WNT16: variants seen among roughly 807,000 people sequenced by gnomAD.
WNT16 encodes the protein Wnt family member 16.
A neutral mutation model predicts 35.4 loss-of-function variants in WNT16; 20 were observed. The ratio of observed to expected loss-of-function variants is 0.56; its 90% CI spans 0.40 to 0.82. WNT16 has a LOEUF of 0.82. Among genes scored for constraint, WNT16 ranks in the 40% least tolerant of loss-of-function variants. The probability of loss-of-function intolerance (pLI) is 0.00; values close to 1 mark genes in which losing one functional copy is unlikely to be tolerated. For missense variants in WNT16, 461 were observed against 466.0 expected (o/e 0.99, Z 0.10); for synonymous variants, 180 against 179.2 (o/e 1.00, Z -0.03).
At chr7:121,333,181 A>G (rs1382685065) in intron 3 of WNT16, among the ~76,000 whole-genome samples, 1 of 152,038 alleles carries the variant, frequency 6.6e-6, no homozygotes, top group Non-Finnish European at 1.5e-5. Context: ...AATAAATAAA[A>G]CAAATTGCAA....
chr7:121,335,191 C>A (rs967725389), intron 3 of WNT16, among the ~76,000 whole-genome samples: 1 of 152,002 alleles, frequency 6.6e-6, no homozygotes, highest in African/African-American at 2.4e-5. Context: ...AATTTTCTGG[C>A]CATTTTTGTA....
rs140239870 is a variant in WNT16, at chr7:121,329,964, A to G, written c.346+147A>G. 2.6e-3 allele frequency: 3,336 copies of G among 1,293,650 alleles called. 11 individuals carry two copies. The Middle Eastern group carries it at 0.027, about 10-fold the overall frequency. 80.1% of individuals were successfully genotyped at this position (1,293,650 alleles called of 1,614,324 possible). On this transcript the variant is annotated intron_variant, in intron 2 of 3. Transcript: ENST00000222462. ...CTTTAGTGCACGGGGATTGAGAGCT[A>G]CAAAGGCCAGACCTGGGGAGCAGGT... is the stretch of plus-strand genomic sequence containing the variant.
rs370782081 is a variant in WNT16 at position 121,331,916 on chromosome 7, C to T, written c.585C>T (p.Asn195=). ...FPIGNTTGKE[N]KVLLAMNLHN... is the part of the protein sequence containing the mutation. ...TCGGAAACACCACGGGCAAAGAAAA[C>T]AAAGTACTATTAGCAATGAACCTAC... Residue 195 remains asparagine, a synonymous_variant, in exon 3 of 4, where the codon AAC becomes AAT. Transcript: ENST00000222462. 6.2e-7 allele frequency: 1 copy of T among 1,613,944 alleles called. No homozygotes were observed. Among genetic ancestry groups the T allele is most frequent in the African/African-American group, 1.3e-5 (1 of 74,886 alleles).
chr7:121,339,556 T>A lies in WNT16; in HGVS notation c.*211T>A, dbSNP rs995673016. 1.8e-6 allele frequency: 1 copy of A among 542,890 alleles called. No individual in the cohort carries two copies. Among genetic ancestry groups the A allele is most frequent in the Middle Eastern group, 4.7e-4 (1 of 2,124 alleles). The allele number at this position is 542,890 out of a possible 1,614,324, so 33.6% of individuals were successfully genotyped here. A position where few individuals can be genotyped will look rare whatever the true frequency, so the allele number is the denominator to read the frequency against. On this transcript the variant is annotated 3_prime_UTR_variant, in exon 4 of 4. Coordinates refer to ENST00000222462, the MANE Select transcript of WNT16 (RefSeq NM_057168.2). ...TGTGGATTTCTTGGGATTCTAATGTTGAAAAGGTTTATATTCACCTTTTGA... is the reference window on the plus strand; with the variant it reads ...TGTGGATTTCTTGGGATTCTAATGTAGAAAAGGTTTATATTCACCTTTTGA...
chr7:121,337,010 A>G (rs2707468), intron 3 of WNT16, among the ~76,000 whole-genome samples: 31,706 of 152,108 alleles, frequency 0.21, 4,044 homozygotes, highest in African/African-American at 0.36. Context: ...AAACTTTGGG[A>G]GCTTAAAATT....
At chr7:121,335,131 T>C (rs1043984572) in intron 3 of WNT16, among the ~76,000 whole-genome samples, 5 of 152,084 alleles carry the variant, frequency 3.3e-5, no homozygotes, top group African/African-American at 1.2e-4. Context: ...AAAACTTAGA[T>C]CATCTGATAG....
Position 121,340,647 on chromosome 7 carries a change from A to G in WNT16, c.*1302A>G, listed in dbSNP as rs2116846405. 6.6e-6 allele frequency: 1 copy of G among 152,416 alleles called. No individual in the cohort carries two copies. The highest frequency in any genetic ancestry group is 2.1e-4 in the South Asian group (1 of 4,826). 9.4% of individuals were successfully genotyped at this position (152,416 alleles called of 1,614,324 possible). A position where few individuals can be genotyped will look rare whatever the true frequency, so the allele number is the denominator to read the frequency against. On this transcript the variant is annotated 3_prime_UTR_variant, in exon 4 of 4. Coordinates refer to ENST00000222462, the MANE Select transcript of WNT16 (RefSeq NM_057168.2). ...TATTAGTAAAAGTCTTAACTGGAAA[A>G]AAGAATCTAAATCAGAATAGTGATC...
chr7:121,332,071 C>A, intron 3 of WNT16, 107 bp downstream of exon 3: 2 of 1,338,518 alleles, frequency 1.5e-6, no homozygotes, highest in Non-Finnish European at 2.0e-6. Context: ...CAAACACTGG[C>A]AGCCCTCAAG....
chr7:121,334,234 G>C (rs1437188420), intron 3 of WNT16, among the ~76,000 whole-genome samples: 1 of 151,432 alleles, frequency 6.6e-6, no homozygotes, highest in East Asian at 1.9e-4. Context: ...GTTCATTTTT[G>C]GTTCACATTG....
At chr7:121,337,340 T>C (rs958978205) in intron 3 of WNT16, among the ~76,000 whole-genome samples, 1 of 152,238 alleles carries the variant, frequency 6.6e-6, no homozygotes, top group African/African-American at 2.4e-5. Context: ...TATTGTCTCA[T>C]TAGATAGTTC....
chr7:121,329,535 G>A (rs771555712), intron 1 of WNT16, 32 bp from the exon 2 acceptor site: 1 of 1,609,384 alleles, frequency 6.2e-7, no homozygotes, highest in Admixed American at 1.7e-5. Context: ...ATTGGGGAGC[G>A]GCTTAACGCT....
At position 121,339,360 on chromosome 7, in the gene WNT16, C is replaced by T. The variant is rs768687126; in HGVS notation, c.*15C>T. On this transcript the variant is annotated 3_prime_UTR_variant, in exon 4 of 4. Transcript: ENST00000222462. Reference sequence around the variant, plus strand: ...CTTGCAAGTAACCACTCCATCCAGCCTTGGGCAAGATGCCTCAGCAATATA... The same window carrying T: ...CTTGCAAGTAACCACTCCATCCAGCTTTGGGCAAGATGCCTCAGCAATATA... 2 of 1,603,578 alleles carry T rather than the reference C, an allele frequency of 1.2e-6. No individual in the cohort carries two copies. The highest frequency in any genetic ancestry group is 1.1e-5 in the South Asian group (1 of 90,474).
In WNT16 at chr7:121,329,222, C is replaced by T. The variant is rs1793293914; in HGVS notation, c.-71C>T. ...AACTTGGTGCTGGACAACTGACCTG[C>T]GGCCCGAAGGGCCTCTGGGGAGGGG... On this transcript the variant is annotated 5_prime_UTR_variant, in exon 1 of 4. Transcript: ENST00000222462. The T allele has an allele frequency of 4.1e-6, 6 of 1,461,178 alleles. No homozygotes were observed. Among genetic ancestry groups the T allele is most frequent in the African/African-American group, 1.4e-5 (1 of 70,300 alleles). 90.5% of individuals were successfully genotyped at this position (1,461,178 alleles called of 1,614,324 possible). A position where few individuals can be genotyped will look rare whatever the true frequency, so the allele number is the denominator to read the frequency against.
Position 121,331,600 on chromosome 7 carries a change from T to A in WNT16, c.347-78T>A, listed in dbSNP as rs894259406. 2.9e-6 allele frequency: 4 copies of A among 1,370,280 alleles called. No homozygotes were observed. In the Admixed American group the frequency reaches 6.4e-5, roughly 22 times the overall value. 84.9% of individuals were successfully genotyped at this position (1,370,280 alleles called of 1,614,324 possible). On this transcript the variant is annotated intron_variant, in intron 2 of 3. Transcript: ENST00000222462. Reference sequence around the variant, plus strand: ...CTGAAAAATTACTTGTCCAGTAAGATCATGAGTAGGAGGCTTTCTTCTGAA... The same window carrying A: ...CTGAAAAATTACTTGTCCAGTAAGAACATGAGTAGGAGGCTTTCTTCTGAA...
At chr7:121,325,841 A>G (rs1156953493), upstream of WNT16, among the ~76,000 whole-genome samples, 2 of 151,834 alleles carry the variant, frequency 1.3e-5, no homozygotes, top group African/African-American at 4.8e-5. Flanking sequence ...GGAATTTGAG[A>G]CCAGTCTGGG....
At chr7:121,331,305 C>T (rs1213008166) in intron 2 of WNT16, among the ~76,000 whole-genome samples, 1 of 152,050 alleles carries the variant, frequency 6.6e-6, no homozygotes, top group Non-Finnish European at 1.5e-5. Context: ...GTTGTATTAC[C>T]GTTTACAGTA....
At chr7:121,336,279 A>G (rs991020126) in intron 3 of WNT16, among the ~76,000 whole-genome samples, 78 of 152,046 alleles carry the variant, frequency 5.1e-4, no homozygotes, top group African/African-American at 1.8e-3. Context: ...ATATACCTCT[A>G]TAGATGTTCG....
intron 3 of WNT16, among the ~76,000 whole-genome samples, chr7:121,332,644 T>C (rs983736512): frequency 1.3e-5 from 2 of 152,190 alleles, no homozygotes; most frequent in African/African-American, 2.4e-5. Flanking sequence ...CCTTCTTTGG[T>C]AATATGTGCC....
chr7:121,333,251 T>C (rs1450510933), intron 3 of WNT16, among the ~76,000 whole-genome samples: 2 of 152,048 alleles, frequency 1.3e-5, no homozygotes, highest in Non-Finnish European at 2.9e-5. Flanking sequence ...GGAAAATGAA[T>C]AAATGGAACG....
Sources: allele counts gnomAD v4.1 joint callset (sites outside exome capture counted in the v4.1 genomes callset), GRCh38; gene constraint gnomAD v4.1.1; transcripts MANE v1.5; gene names NCBI Gene and HGNC (gene_info 2026-07-23, HGNC 2026-07-21).